Variants in DNAJC16 observed in about 807,000 individuals in gnomAD.
DNAJC16 encodes DnaJ heat shock protein family (Hsp40) member C16, also known as dnaJ homolog subfamily C member 16.
DNAJC16 carries 76 observed loss-of-function variants against 92.7 expected under a neutral mutation model. The ratio of observed to expected loss-of-function variants is 0.82; its 90% CI spans 0.68 to 0.99. DNAJC16 has a LOEUF of 0.99. DNAJC16 is among the 50% of genes least tolerant of loss of function. The probability of loss-of-function intolerance (pLI) is 0.00; values close to 1 mark genes in which losing one functional copy is unlikely to be tolerated. For synonymous variants in DNAJC16, 328 were observed against 358.7 expected (o/e 0.91, Z 0.97); for missense variants, 869 against 942.4 (o/e 0.92, Z 1.02).
At chr1:15,567,331 A>C in intron 14 of DNAJC16, 62 bp downstream of exon 14, 1 of 1,526,998 alleles carries the variant, frequency 6.5e-7, no homozygotes, top group Non-Finnish European at 9.0e-7. Context: ...AGGCACACTG[A>C]AATTGCACGC....
chr1:15,547,908 C>T (rs1426573938), intron 6 of DNAJC16, among the ~76,000 whole-genome samples: 1 of 152,138 alleles, frequency 6.6e-6, no homozygotes, highest in Non-Finnish European at 1.5e-5. Flanking sequence ...CACTACCTCT[C>T]ATGTCACTGT....
Position 15,544,501 on chromosome 1 carries a change from T to C in DNAJC16, c.677T>C (p.Ile226Thr). 6.2e-7 allele frequency: 1 copy of C among 1,614,066 alleles called. No homozygotes were observed. The highest frequency in any genetic ancestry group is 1.3e-5 in the African/African-American group (1 of 74,990). ...PSILGIINGKISFFHNAVVRE... is the reference protein window; with the variant it reads ...PSILGIINGKTSFFHNAVVRE... ...ATCCTAGGAATCATTAACGGGAAAATCTCCTTCTTCCACAATGCAGTTGTC... is the reference window on the plus strand; with the variant it reads ...ATCCTAGGAATCATTAACGGGAAAACCTCCTTCTTCCACAATGCAGTTGTC... The change falls in exon 5 of 15, where the codon ATC (isoleucine) becomes ACC (threonine). Residue 226 changes from isoleucine (I) to threonine (T), a missense_variant. Transcript: ENST00000375847.
chr1:15,568,422 C>T lies in DNAJC16; in HGVS notation c.*245C>T. 1 of 542,352 alleles carries T rather than the reference C, an allele frequency of 1.8e-6. No homozygotes were observed. The allele number at this position is 542,352 out of a possible 1,614,324, so 33.6% of individuals were successfully genotyped here. On this transcript the variant is annotated 3_prime_UTR_variant, in exon 15 of 15. Coordinates refer to ENST00000375847, the MANE Select transcript of DNAJC16 (RefSeq NM_015291.4). ...TTATTTTTCCCCACTGAATGCCACA[C>T]CATTGAAAATAGACTGCTCATCCCC...
chr1:15,547,261 C>A (rs1638332045), intron 6 of DNAJC16, among the ~76,000 whole-genome samples: 2 of 151,510 alleles, frequency 1.3e-5, no homozygotes, highest in South Asian at 2.1e-4. Flanking sequence ...GATTCTTCTG[C>A]CTCAGCCTCC....
chr1:15,560,810 C>T (rs1290439967), intron 8 of DNAJC16, among the ~76,000 whole-genome samples: 2 of 152,146 alleles, frequency 1.3e-5, no homozygotes, highest in African/African-American at 4.8e-5. Flanking sequence ...TGGAACAAGC[C>T]ACCATCGTCT....
chr1:15,542,047 C>G (rs1710943332), intron 4 of DNAJC16: 1 of 152,160 alleles, frequency 6.6e-6, no homozygotes, highest in Admixed American at 6.5e-5. Flanking sequence ...AAAAACAAAC[C>G]ATGATTAGAA....
chr1:15,548,610 C>T (rs1156437064), intron 7 of DNAJC16, among the ~76,000 whole-genome samples, 182 bp downstream of exon 7: 1 of 151,998 alleles, frequency 6.6e-6, no homozygotes, highest in Non-Finnish European at 1.5e-5. Context: ...TAATTTAAAA[C>T]GTTTAAAAAT....
intron 14 of DNAJC16, 46 bp from the exon 15 acceptor site, chr1:15,567,732 A>C: frequency 6.4e-7 from 1 of 1,553,052 alleles, no homozygotes; most frequent in Non-Finnish European, 8.7e-7. Flanking sequence ...CAGCAATTAA[A>C]TGTGTCAGGA....
In DNAJC16 at chr1:15,562,356, C is replaced by T. The variant is rs576534697; in HGVS notation, c.1338+31C>T. On this transcript the variant is annotated intron_variant, in intron 9 of 14. Transcript: ENST00000375847. ...CCACAGAGTCTCTCCTCATCCCAGGCTCTTCATAACCATGTGGCACTTGAT... is the reference window on the plus strand; with the variant it reads ...CCACAGAGTCTCTCCTCATCCCAGGTTCTTCATAACCATGTGGCACTTGAT... 1.3e-4 allele frequency: 209 copies of T among 1,568,236 alleles called. 3 individuals are homozygous for T. In the South Asian group the frequency reaches 2.3e-3, roughly 17 times the overall value.
chr1:15,554,572 T>A (rs1167706378), intron 7 of DNAJC16, among the ~76,000 whole-genome samples: 1 of 152,222 alleles, frequency 6.6e-6, no homozygotes, highest in East Asian at 1.9e-4. Context: ...CTCACTTTGT[T>A]TTTTAGATTT....
chr1:15,534,383 C>A, intron 3 of DNAJC16, 80 bp downstream of exon 3: 3 of 1,440,398 alleles, frequency 2.1e-6, no homozygotes, highest in South Asian at 1.2e-5. Context: ...GTAAAGTTGT[C>A]AGAAAGGTCA....
rs1570930862 is a variant in DNAJC16 at position 15,564,200 on chromosome 1, CAGCAG to C, written c.1522-82_1522-78del. The stretch of plus-strand genomic sequence containing the variant: ...CGGATTTCTGCTCAGAGCAGAGGTC[CAGCAG>C]CAGCACTGTGTTGCAGGGTAGAGGG... On this transcript the variant is annotated intron_variant, in intron 10 of 14. Coordinates refer to ENST00000375847, the MANE Select transcript of DNAJC16 (RefSeq NM_015291.4). The C allele has an allele frequency of 9.5e-5, 148 of 1,558,658 alleles. No homozygotes were observed. In the East Asian group the frequency reaches 3.3e-3, roughly 34 times the overall value.
chr1:15,554,194 C>T (rs1490168107), intron 7 of DNAJC16, among the ~76,000 whole-genome samples: 1 of 151,340 alleles, frequency 6.6e-6, no homozygotes, highest in African/African-American at 2.4e-5. Flanking sequence ...CAGAGCAAGA[C>T]CCTGTCTCAA....
chr1:15,535,686 C>T (rs527776664), intron 3 of DNAJC16, among the ~76,000 whole-genome samples: 4 of 152,162 alleles, frequency 2.6e-5, no homozygotes, highest in African/African-American at 9.6e-5. Context: ...GCTGTGATCA[C>T]GCCACTTCAC....
At chr1:15,552,502 T>C (rs978315964) in intron 7 of DNAJC16, among the ~76,000 whole-genome samples, 2 of 151,734 alleles carry the variant, frequency 1.3e-5, no homozygotes, top group Non-Finnish European at 2.9e-5. Flanking sequence ...AAAAAAAAGT[T>C]ACTGTTTGGA....
chr1:15,557,653 C>CA (rs1242658288), intron 7 of DNAJC16, among the ~76,000 whole-genome samples: 63 of 151,862 alleles, frequency 4.1e-4, no homozygotes, highest in Non-Finnish European at 5.9e-5. Context: ...ATATGTATCT[C>CA]AGAGTTCTTA....
rs144860066 is a variant in DNAJC16 at position 15,537,676 on chromosome 1, T to C, written c.574+862T>C. Among the ~76,000 whole-genome samples, 147 of 152,318 alleles carry C rather than the reference T, an allele frequency of 9.7e-4. 1 individual carries two copies. Among genetic ancestry groups the C allele is most frequent in the African/African-American group, 3.4e-3 (141 of 41,564 alleles). ...TATTGAACATTTCAGTTCCCTTGCA[T>C]TGTGGTAAATGCTTTCTGTGCATTA... On this transcript the variant is annotated intron_variant, in intron 4 of 14. Coordinates refer to ENST00000375847, the MANE Select transcript of DNAJC16 (RefSeq NM_015291.4).
intron 8 of DNAJC16, among the ~76,000 whole-genome samples, chr1:15,560,756 T>C (rs1638671903): frequency 6.6e-6 from 1 of 151,998 alleles, no homozygotes; most frequent in South Asian, 2.1e-4. Context: ...TCAAAAAATA[T>C]CCCAAATCCA....
At chr1:15,537,253 A>AT (rs1052143457) in intron 4 of DNAJC16, among the ~76,000 whole-genome samples, 1 of 152,140 alleles carries the variant, frequency 6.6e-6, no homozygotes, top group Non-Finnish European at 1.5e-5. Flanking sequence ...CGAAGCACCA[A>AT]TTTTTTACTT....
Sources: allele counts gnomAD v4.1 joint callset (sites outside exome capture counted in the v4.1 genomes callset), GRCh38; gene constraint gnomAD v4.1.1; transcripts MANE v1.5; gene names NCBI Gene and HGNC (gene_info 2026-07-23, HGNC 2026-07-21).